The following COL14A1 variants were observed in gnomAD, a reference collection of about 807,000 sequenced individuals.
COL14A1 encodes the protein collagen type XIV alpha 1 chain, also known as collagen alpha-1(XIV) chain.
Under a neutral mutation model 230.3 loss-of-function variants are expected in COL14A1, and 136 were observed. The ratio of observed to expected loss-of-function variants is 0.59; its 90% CI spans 0.51 to 0.68. COL14A1 has a LOEUF of 0.68. COL14A1 is among the 30% of genes least tolerant of loss of function. The pLI is 0.00. For missense variants in COL14A1, 1,976 were observed against 2,215.8 expected, an observed-to-expected ratio of 0.89 and a Z score of 2.17; for synonymous variants, 792 against 784.1, an observed-to-expected ratio of 1.01 and a Z score of -0.17.
chr8:120,271,057 G>A (rs1378200367), intron 26 of COL14A1, among the ~76,000 whole-genome samples: 1 of 151,742 alleles, frequency 6.6e-6, no homozygotes, highest in East Asian at 1.9e-4. Flanking sequence ...AAAAGAATGA[G>A]CTCATGTCCT....
intron 5 of COL14A1, among the ~76,000 whole-genome samples, chr8:120,185,833 C>G (rs1265645845): frequency 6.6e-6 from 1 of 152,126 alleles, no homozygotes. Context: ...AGTGCAATGG[C>G]GTGATCTTGG....
chr8:120,283,760 G>A lies in COL14A1; in HGVS notation c.3949G>A (p.Val1317Ile). The stretch of plus-strand genomic sequence containing the variant: ...TTTAAATAAAAATTCTGACCCATTG[G>A]TTGGGGTTATTTTAGACAGTAAGTA... Reference protein sequence around the residue: ...EILNKNSDPLVGVILDNGGKT... With the variant: ...EILNKNSDPLIGVILDNGGKT... The change falls in exon 32 of 48, where the codon GTT (valine) becomes ATT (isoleucine). Residue 1317 changes from valine (V) to isoleucine (I), a missense_variant. Physicochemically the swap from Val to Ile is conservative, Grantham distance 29. Transcript: ENST00000297848. 6.2e-7 allele frequency: 1 copy of A among 1,611,814 alleles called. No homozygotes were observed. Among genetic ancestry groups the A allele is most frequent in the East Asian group, 2.2e-5 (1 of 44,822 alleles).
chr8:120,334,476 C>T (rs1336172293), intron 42 of COL14A1, among the ~76,000 whole-genome samples: 1 of 152,002 alleles, frequency 6.6e-6, no homozygotes, highest in Non-Finnish European at 1.5e-5. Flanking sequence ...CTTCACACAT[C>T]TTTCTTTTAA....
chr8:120,342,415 G>C lies in COL14A1; in HGVS notation c.4857G>C (p.Val1619=), dbSNP rs1232896094. ...DLQSQAMVRS[V]ARQVCEQLIQ... is the part of the protein sequence containing the mutation. The stretch of plus-strand genomic sequence containing the variant: ...AGTCTCAAGCCATGGTGAGATCAGT[G>C]GCGCGTCAAGTATGCGAACAGCTCA... The change falls in exon 44 of 48, where the codon GTG becomes GTC. Residue 1619 remains valine, a synonymous_variant. Transcript: ENST00000297848. 3.1e-6 allele frequency: 5 copies of C among 1,613,866 alleles called. No individual in the cohort carries two copies. The highest frequency in any genetic ancestry group is 1.6e-4 in the Middle Eastern group (1 of 6,084).
chr8:120,243,453 T>C (rs1284923767), intron 19 of COL14A1, among the ~76,000 whole-genome samples: 1 of 152,200 alleles, frequency 6.6e-6, no homozygotes, highest in African/African-American at 2.4e-5. Flanking sequence ...TCTGATTATC[T>C]CTGAAGGAGG....
chr8:120,370,551 T>C lies in COL14A1; in HGVS notation c.5312-601T>C, dbSNP rs138998346. 1,325 of 1,465,592 alleles carry C rather than the reference T, an allele frequency of 9.0e-4. 10 individuals carry two copies. The African/African-American group carries it at 0.016, about 18-fold the overall frequency. The allele number at this position is 1,465,592 out of a possible 1,614,324, so 90.8% of individuals were successfully genotyped here. ...CTTGCCCACTCTGCTCCAAACATGATGGAGTGATAACATCGGAACTTAACC... is the reference window on the plus strand; with the variant it reads ...CTTGCCCACTCTGCTCCAAACATGACGGAGTGATAACATCGGAACTTAACC... On this transcript the variant is annotated intron_variant, in intron 47 of 47. Coordinates refer to ENST00000297848, the MANE Select transcript of COL14A1 (RefSeq NM_021110.4).
At chr8:120,248,222 A>G (rs907094022) in intron 21 of COL14A1, among the ~76,000 whole-genome samples, 5 of 152,162 alleles carry the variant, frequency 3.3e-5, no homozygotes, top group Admixed American at 3.3e-4. Flanking sequence ...AAAAAAACTC[A>G]TCACGGTAGT....
At chr8:120,220,243 A>G (rs1235376233) in intron 14 of COL14A1, among the ~76,000 whole-genome samples, 2 of 151,802 alleles carry the variant, frequency 1.3e-5, no homozygotes, top group African/African-American at 4.8e-5. Flanking sequence ...AAAATGTCCC[A>G]ATTAAAATCT....
Position 120,285,979 on chromosome 8 carries a change from T to G in COL14A1, c.4077+9T>G. The G allele has an allele frequency of 5.2e-6, 7 of 1,341,574 alleles. No homozygotes were observed. The highest frequency in any genetic ancestry group is 6.4e-6 in the Non-Finnish European group (6 of 933,422). 83.1% of individuals were successfully genotyped at this position (1,341,574 alleles called of 1,614,324 possible). ...ATGGAAGCTTTCACAAGGTTAGTAA[T>G]GCTTTGTATGCATATATTCTTTATT... On this transcript the variant is annotated intron_variant, in intron 33 of 47. Transcript: ENST00000297848.
chr8:120,229,943 C>G (rs192380972), intron 18 of COL14A1, among the ~76,000 whole-genome samples: 73 of 152,236 alleles, frequency 4.8e-4, no homozygotes, highest in African/African-American at 1.7e-3. Flanking sequence ...TGCAGCACCA[C>G]GATCAAGGCT....
chr8:120,179,608 T>C (rs1222618262), intron 5 of COL14A1, among the ~76,000 whole-genome samples: 1 of 152,156 alleles, frequency 6.6e-6, no homozygotes, highest in Non-Finnish European at 1.5e-5. Context: ...AAAATGGTGA[T>C]ACTGCCCAAA....
At position 120,291,649 on chromosome 8, in the gene COL14A1, CTAT is replaced by C. The variant is rs1347561817; in HGVS notation, c.4236+1889_4236+1891del. Among the ~76,000 whole-genome samples the C allele has an allele frequency of 6.7e-5, 10 of 149,286 alleles. No homozygotes were observed. The East Asian group carries it at 2.0e-3, about 30-fold the overall frequency. ...GATTCTGGGCCCAGATCACATAATA[CTAT>C]TATTAATATTTTCTTAATTTTAGAA... On this transcript the variant is annotated intron_variant, in intron 34 of 47. Transcript: ENST00000297848.
At chr8:120,296,220 C>G (rs1286875054) in intron 34 of COL14A1, among the ~76,000 whole-genome samples, 1 of 151,704 alleles carries the variant, frequency 6.6e-6, no homozygotes, top group African/African-American at 2.4e-5. Flanking sequence ...GCAAACAGCT[C>G]AATAAGGTGT....
chr8:120,137,640 A>G (rs927753200), intron 1 of COL14A1, among the ~76,000 whole-genome samples: 2 of 152,108 alleles, frequency 1.3e-5, no homozygotes, highest in South Asian at 4.1e-4. Context: ...AAATTTTCAC[A>G]AATTGTACCT....
intron 44 of COL14A1, among the ~76,000 whole-genome samples, chr8:120,344,924 A>G (rs1023115711): frequency 6.6e-6 from 1 of 152,204 alleles, no homozygotes; most frequent in African/African-American, 2.4e-5. Flanking sequence ...AAAAGGCTTG[A>G]TGACCAAGAG....
chr8:120,341,320 T>C lies in COL14A1; in HGVS notation c.4786-5T>C, dbSNP rs774844527. On this transcript the variant is annotated splice_region_variant and splice_polypyrimidine_tract_variant and intron_variant, in intron 42 of 47. Coordinates refer to ENST00000297848, the MANE Select transcript of COL14A1 (RefSeq NM_021110.4). ...AAGTAACTTGACAATTTTCCATTTATACAGGGTGTCCCTGGAGCAAAGGGG... is the reference window on the plus strand; with the variant it reads ...AAGTAACTTGACAATTTTCCATTTACACAGGGTGTCCCTGGAGCAAAGGGG... The C allele has an allele frequency of 1.9e-6, 3 of 1,614,180 alleles. No homozygotes were observed. Among genetic ancestry groups the C allele is most frequent in the East Asian group, 2.2e-5 (1 of 44,888 alleles).
At chr8:120,154,981 G>A (rs972571883) in intron 2 of COL14A1, among the ~76,000 whole-genome samples, 12 of 152,080 alleles carry the variant, frequency 7.9e-5, no homozygotes, top group African/African-American at 2.7e-4. Flanking sequence ...ACCTAACTTT[G>A]AAATCCACAG....
intron 33 of COL14A1, 58 bp from the exon 34 acceptor site, chr8:120,289,550 A>G (rs1431169636): frequency 7.0e-7 from 1 of 1,430,002 alleles, no homozygotes; most frequent in African/African-American, 1.4e-5. Flanking sequence ...CAATTATACA[A>G]ATTTGGTTGA....
At chr8:120,200,715 T>TTATATATATATA (rs34177030) in intron 8 of COL14A1, among the ~76,000 whole-genome samples, 27 of 85,738 alleles carry the variant, frequency 3.1e-4, no homozygotes, top group Non-Finnish European at 4.1e-4. Flanking sequence ...GTTTTCCTAT[T>TTATATATATATA]TATATATATA....
Sources: gnomAD v4.1 joint callset for allele counts (sites outside exome capture counted in the v4.1 genomes callset) on GRCh38, gnomAD v4.1.1 for gene constraint, MANE v1.5 for transcripts, NCBI Gene and HGNC (gene_info 2026-07-23, HGNC 2026-07-21) for gene names.